The following ADIPOR2 variants were observed in gnomAD, a reference collection of about 807,000 sequenced individuals.
The protein encoded by ADIPOR2 is adiponectin receptor 2.
In ADIPOR2, 18 loss-of-function variants were observed where a neutral mutation model predicts 40.9. The ratio of observed to expected loss-of-function variants is 0.44; its 90% CI spans 0.30 to 0.65. ADIPOR2 has a LOEUF of 0.65. Ranked by LOEUF, ADIPOR2 falls within the 30% of genes least tolerant of loss-of-function variation. The pLI, the probability that ADIPOR2 is intolerant of heterozygous loss-of-function variation, is 0.09. For missense variants in ADIPOR2, 283 were observed against 479.2 expected (o/e 0.59, Z 3.82); for synonymous variants, 165 against 166.4 (o/e 0.99, Z 0.06).
chr12:1,779,475 A>G lies in ADIPOR2; in HGVS notation c.464-976A>G, dbSNP rs1354065166. ...TGAAATGTCCAGAACAGGAAAATCC[A>G]TAAAGACAGTAGATTAGTGGTTGTT... On this transcript the variant is annotated intron_variant, in intron 4 of 7. Transcript: ENST00000357103. Among the ~76,000 whole-genome samples, 4 of 152,240 alleles carry G rather than the reference A, an allele frequency of 2.6e-5. 1 individual carries two copies. Among genetic ancestry groups the G allele is most frequent in the African/African-American group, 9.6e-5 (4 of 41,468 alleles).
intron 1 of ADIPOR2, among the ~76,000 whole-genome samples, chr12:1,700,797 T>TA (rs141307691): frequency 0.92 from 132,063 of 144,264 alleles, 60,653 homozygotes; most frequent in Middle Eastern, 0.97. Context: ...GCCCTAGATT[T>TA]AAAAAAAAAA....
intron 1 of ADIPOR2, among the ~76,000 whole-genome samples, chr12:1,753,090 G>A (rs983102823): frequency 3.3e-5 from 5 of 152,092 alleles, no homozygotes; most frequent in East Asian, 1.9e-4. Flanking sequence ...CTTAGTCTAT[G>A]TATCCACATA....
intron 1 of ADIPOR2, among the ~76,000 whole-genome samples, chr12:1,739,286 A>G (rs893093634): frequency 6.6e-6 from 1 of 152,246 alleles, no homozygotes; most frequent in South Asian, 2.1e-4. Context: ...TCATTATAGT[A>G]GTAGTTACAC....
chr12:1,765,154 G>A lies in ADIPOR2; in HGVS notation c.172-7688G>A, dbSNP rs1411446881. Reference sequence around the variant, plus strand: ...CATGATACTCACATTTTAAATATTAGTTTGAAAAAAATACATGATAGAAAT... The same window carrying A: ...CATGATACTCACATTTTAAATATTAATTTGAAAAAAATACATGATAGAAAT... On this transcript the variant is annotated intron_variant, in intron 2 of 7. Transcript: ENST00000357103. Among the ~76,000 whole-genome samples the A allele has an allele frequency of 4.6e-5, 7 of 151,972 alleles. No homozygotes were observed. The East Asian group carries it at 7.7e-4, about 17-fold the overall frequency.
intron 2 of ADIPOR2, chr12:1,757,584 A>G (rs1708567209): frequency 8.8e-7 from 1 of 1,140,232 alleles, no homozygotes; most frequent in Non-Finnish European, 1.3e-6. Context: ...AGGGTAGCGG[A>G]TGGTGCCGGG....
intron 1 of ADIPOR2, among the ~76,000 whole-genome samples, chr12:1,691,405 G>C (rs780574256): frequency 2.6e-5 from 4 of 152,190 alleles, no homozygotes; most frequent in Non-Finnish European, 4.4e-5. Flanking sequence ...GGCCGTGTGG[G>C]GACCTGGAGC....
intron 7 of ADIPOR2, among the ~76,000 whole-genome samples, chr12:1,785,613 A>G (rs1430456911): frequency 3.9e-5 from 2 of 51,152 alleles, no homozygotes; most frequent in Non-Finnish European, 7.3e-5. Flanking sequence ...GTGGCCTGTT[A>G]GCAAGAGAGT....
intron 1 of ADIPOR2, among the ~76,000 whole-genome samples, chr12:1,710,072 G>T (rs1326210590): frequency 1.3e-5 from 2 of 152,228 alleles, no homozygotes; most frequent in African/African-American, 4.8e-5. Context: ...TCAGCACTCT[G>T]TAAAAATGCA....
intron 1 of ADIPOR2, among the ~76,000 whole-genome samples, chr12:1,700,164 AAC>A (rs2094647378): frequency 6.6e-6 from 1 of 152,226 alleles, no homozygotes. Context: ...TAGAGAACAA[AAC>A]ACAAAGCATA....
At chr12:1,710,723 C>T (rs943027552) in intron 1 of ADIPOR2, among the ~76,000 whole-genome samples, 8 of 151,978 alleles carry the variant, frequency 5.3e-5, no homozygotes, top group Admixed American at 4.6e-4. Context: ...TGCGGGGTCC[C>T]AACAAAAAGT....
chr12:1,757,503 T>A (rs1018282664), intron 2 of ADIPOR2: 6 of 763,322 alleles, frequency 7.9e-6, no homozygotes, highest in Admixed American at 1.8e-5. Flanking sequence ...ATTGTCAAAC[T>A]TGATGAAATT....
intron 4 of ADIPOR2, chr12:1,778,757 C>G (rs1862652684): frequency 1.3e-5 from 2 of 152,056 alleles, no homozygotes; most frequent in Non-Finnish European, 2.9e-5. Context: ...AAAGACAACC[C>G]ATAGAGAAGA....
Position 1,786,200 on chromosome 12 carries a change from G to C in ADIPOR2, c.*128G>C. On this transcript the variant is annotated 3_prime_UTR_variant, in exon 8 of 8. Coordinates refer to ENST00000357103, the MANE Select transcript of ADIPOR2 (RefSeq NM_024551.3). The stretch of plus-strand genomic sequence containing the variant: ...TTGACAGCCTCGTGGGCTTTGTGAC[G>C]GCCCAGTGGCTCTGCGTGGTACATG... 3 of 1,264,368 alleles carry C rather than the reference G, an allele frequency of 2.4e-6. No individual in the cohort carries two copies. The South Asian group carries it at 4.4e-5, about 19-fold the overall frequency. The allele number at this position is 1,264,368 out of a possible 1,614,324, so 78.3% of individuals were successfully genotyped here. A position where few individuals can be genotyped will look rare whatever the true frequency, so the allele number is the denominator to read the frequency against.
chr12:1,708,890 T>C (rs534922919), intron 1 of ADIPOR2, among the ~76,000 whole-genome samples: 261 of 152,194 alleles, frequency 1.7e-3, no homozygotes, highest in South Asian at 9.7e-3. Context: ...CGGCTAATTT[T>C]TGTATTTTTA....
At chr12:1,698,225 TG>T (rs2094643238) in intron 1 of ADIPOR2, among the ~76,000 whole-genome samples, 1 of 138,850 alleles carries the variant, frequency 7.2e-6, no homozygotes, top group Non-Finnish European at 1.6e-5. Context: ...TGTGTGTGTG[TG>T]TGTGTGTGTG....
At position 1,785,970 on chromosome 12, in the gene ADIPOR2, C is replaced by G; in HGVS notation, c.1059C>G (p.Ile353Met). ...TTCACTCTCATCAGCTGTTTCATAT[C>G]TTTGTGGTTGCTGGAGCTTTTGTTC... ...IWFHSHQLFH[I>M]FVVAGAFVHF... Residue 353 changes from isoleucine (I) to methionine (M), a missense_variant, in exon 8 of 8, where the codon ATC (isoleucine) becomes ATG (methionine). This residue lies in a region of ADIPOR2 where 106 missense variants were observed against 149.7 expected (regional missense o/e 0.71). Transcript: ENST00000357103. 6.2e-7 allele frequency: 1 copy of G among 1,614,144 alleles called. No homozygotes were observed.
chr12:1,705,992 A>ATCCT (rs2094661462), intron 1 of ADIPOR2, among the ~76,000 whole-genome samples: 1 of 152,332 alleles, frequency 6.6e-6, no homozygotes, highest in Middle Eastern at 3.4e-3. Flanking sequence ...GGATTGTTGG[A>ATCCT]GATGATAGGT....
At chr12:1,711,810 C>A (rs930285181) in intron 1 of ADIPOR2, among the ~76,000 whole-genome samples, 2 of 152,112 alleles carry the variant, frequency 1.3e-5, no homozygotes, top group Non-Finnish European at 2.9e-5. Context: ...CAGTGTAAGA[C>A]TGCCACCTCC....
intron 2 of ADIPOR2, among the ~76,000 whole-genome samples, chr12:1,758,712 G>A (rs1314912033): frequency 6.7e-6 from 1 of 149,760 alleles, no homozygotes; most frequent in African/African-American, 2.5e-5. Context: ...AGTTCCATAT[G>A]CTGATTTTTT....
Sources: allele counts gnomAD v4.1 joint callset (sites outside exome capture counted in the v4.1 genomes callset), GRCh38; gene constraint gnomAD v4.1.1; regional missense constraint gnomAD v4.1.1; transcripts MANE v1.5; gene names NCBI Gene and HGNC (gene_info 2026-07-23, HGNC 2026-07-21).